Variants in PDE1C observed in about 807,000 individuals in gnomAD.
PDE1C encodes the protein phosphodiesterase 1C.
A neutral mutation model predicts 93.1 loss-of-function variants in PDE1C; 62 were observed. The ratio of observed to expected loss-of-function variants is 0.67; its 90% CI spans 0.54 to 0.82. The LOEUF (loss-of-function observed/expected upper bound fraction) is 0.82. PDE1C is among the 40% of genes least tolerant of loss of function. The pLI, the probability that PDE1C is intolerant of heterozygous loss-of-function variation, is 0.00. For synonymous variants in PDE1C, 325 were observed against 310.1 expected, an observed-to-expected ratio of 1.05 and a Z score of -0.50; for missense variants, 742 against 884.6, an observed-to-expected ratio of 0.84 and a Z score of 2.04.
At chr7:31,643,554 T>C in the PDE1C span, 2 of 1,614,042 alleles carry the variant, frequency 1.2e-6, no homozygotes, top group South Asian at 1.1e-5. Context: ...CCTTGGGGAC[T>C]GGTCCCAGAG....
intron 1 of PDE1C, among the ~76,000 whole-genome samples, chr7:32,295,004 C>T (rs903616549): frequency 6.6e-6 from 1 of 152,136 alleles, no homozygotes; most frequent in Non-Finnish European, 1.5e-5. Context: ...GACCACATAC[C>T]CATTTCATGA....
rs183003459 is a variant in PDE1C at position 32,326,473 on chromosome 7, G to A, written c.310+101349C>T. 2.3e-3 allele frequency among the ~76,000 whole-genome samples: 349 copies of A among 152,298 alleles called. 3 individuals are homozygous for A. Among genetic ancestry groups the A allele is most frequent in the Admixed American group, 5.8e-3 (88 of 15,296 alleles). ...GATCCTGCTAAGGAGGCTGTACAGG[G>A]CGAGTCAGTGAGGAATCCAGAGATT... On this transcript the variant is annotated intron_variant, in intron 1 of 1. Transcript: ENST00000672256.
chr7:32,402,129 C>A (rs1180487870), intron 1 of PDE1C, among the ~76,000 whole-genome samples: 1 of 151,868 alleles, frequency 6.6e-6, no homozygotes, highest in Non-Finnish European at 1.5e-5. Flanking sequence ...AAAGTGAAAC[C>A]CAGATCTGTC....
At chr7:32,238,875 T>G (rs1335427875) in intron 1 of PDE1C, among the ~76,000 whole-genome samples, 3 of 152,152 alleles carry the variant, frequency 2.0e-5, no homozygotes, top group Non-Finnish European at 2.9e-5. Context: ...GACCTAAACA[T>G]GAACTGGGAA....
At chr7:31,808,153 C>A in intron 16 of PDE1C, 2 of 458,570 alleles carry the variant, frequency 4.4e-6, no homozygotes, top group Non-Finnish European at 4.2e-6. Context: ...ACTCTTCCAC[C>A]TGGTTACCCA....
At chr7:31,691,807 A>AAAAAAAAAAAAAAAAC in the PDE1C span, among the ~76,000 whole-genome samples, 1 of 150,792 alleles carries the variant, frequency 6.6e-6, no homozygotes, top group Non-Finnish European at 1.5e-5. Context: ...TAAAAAAAAA[A>AAAAAAAAAAAAAAAAC]AAAAAAAAAA....
the PDE1C span, among the ~76,000 whole-genome samples, chr7:31,727,061 A>G: frequency 1.5e-4 from 23 of 152,154 alleles, no homozygotes; most frequent in African/African-American, 2.2e-4. Flanking sequence ...AAATTAACAA[A>G]AAAAGATGCT....
chr7:31,879,476 T>C (rs769802290), intron 3 of PDE1C, among the ~76,000 whole-genome samples: 5 of 152,240 alleles, frequency 3.3e-5, no homozygotes, highest in Non-Finnish European at 5.9e-5. Flanking sequence ...ATTTAAACCT[T>C]CTATTTAAAA....
intron 11 of PDE1C, among the ~76,000 whole-genome samples, chr7:31,831,769 G>T (rs2128753062): frequency 6.6e-6 from 1 of 152,006 alleles, no homozygotes; most frequent in East Asian, 1.9e-4. Context: ...AGATGGAGGG[G>T]AAGAAGAAAA....
At chr7:32,112,129 G>A (rs913726757) in intron 3 of PDE1C, among the ~76,000 whole-genome samples, 8 of 152,154 alleles carry the variant, frequency 5.3e-5, no homozygotes, top group African/African-American at 1.7e-4. Flanking sequence ...TCTCTCTCAA[G>A]ATGGACATGA....
intron 2 of PDE1C, among the ~76,000 whole-genome samples, chr7:31,911,876 C>T (rs1315880109): frequency 6.6e-6 from 1 of 152,176 alleles, no homozygotes; most frequent in Non-Finnish European, 1.5e-5. Context: ...TGAAAGTGTG[C>T]TGCCTGTTGT....
At chr7:32,258,451 T>C (rs1446558742) in intron 1 of PDE1C, among the ~76,000 whole-genome samples, 1 of 152,156 alleles carries the variant, frequency 6.6e-6, no homozygotes, top group Non-Finnish European at 1.5e-5. Flanking sequence ...TTCCATGCAC[T>C]TCCCTTCTTG....
At chr7:31,656,556 A>G in the PDE1C span, 1 of 804,488 alleles carries the variant, frequency 1.2e-6, no homozygotes, top group Non-Finnish European at 1.5e-6. Flanking sequence ...CTTTATGCAC[A>G]CAGAATATTA....
At chr7:31,925,138 T>C (rs150593817) in intron 2 of PDE1C, among the ~76,000 whole-genome samples, 1 of 151,380 alleles carries the variant, frequency 6.6e-6, no homozygotes, top group East Asian at 2.0e-4. Context: ...GACAGATTCA[T>C]CACTATCAAG....
chr7:32,165,926 T>C (rs1041771849), intron 3 of PDE1C, among the ~76,000 whole-genome samples: 4 of 152,012 alleles, frequency 2.6e-5, no homozygotes, highest in African/African-American at 9.7e-5. Context: ...AGATCTGGGA[T>C]GAGCCCAACA....
chr7:32,285,740 T>C (rs1317825220), intron 1 of PDE1C, among the ~76,000 whole-genome samples: 2 of 97,746 alleles, frequency 2.0e-5, no homozygotes, highest in Non-Finnish European at 3.8e-5. Context: ...GGAGTGGTAC[T>C]GGGGAGAAGA....
the PDE1C span, chr7:31,656,633 A>C: frequency 2.1e-4 from 66 of 316,518 alleles, no homozygotes; most frequent in African/African-American, 1.4e-3. Context: ...GAAGAGAATG[A>C]ACTGACTATG....
chr7:32,018,223 T>C (rs1428389673), intron 2 of PDE1C, among the ~76,000 whole-genome samples: 5 of 152,050 alleles, frequency 3.3e-5, no homozygotes, highest in Non-Finnish European at 7.4e-5. Context: ...GAATGTAATA[T>C]GTATGGTGCA....
the PDE1C span, among the ~76,000 whole-genome samples, chr7:31,680,060 A>G: frequency 1.6e-4 from 25 of 152,358 alleles, no homozygotes; most frequent in Admixed American, 9.8e-4. Context: ...CAGGAGCTGC[A>G]TTAGTCAGCA....
Sources: allele counts gnomAD v4.1 joint callset (sites outside exome capture counted in the v4.1 genomes callset), GRCh38; gene constraint gnomAD v4.1.1; transcripts MANE v1.5; gene names NCBI Gene and HGNC (gene_info 2026-07-23, HGNC 2026-07-21).